Variants in SPOCK1 observed in about 807,000 individuals in gnomAD.
SPOCK1 encodes testican-1.
SPOCK1 carries 23 observed loss-of-function variants against 55.3 expected under a neutral mutation model. The observed-to-expected ratio is 0.42, with a 90% confidence interval of 0.30 to 0.59. SPOCK1 has a LOEUF of 0.59. Ranked by LOEUF, SPOCK1 falls within the 20% of genes least tolerant of loss-of-function variation. SPOCK1 has a pLI of 0.22. For synonymous variants in SPOCK1, 226 were observed against 221.0 expected (o/e 1.02, Z -0.20); for missense variants, 499 against 552.5 (o/e 0.90, Z 0.97).
Position 137,233,007 on chromosome 5 carries a change from G to C in SPOCK1, c.232+34003C>G, listed in dbSNP as rs1039385430. Among the ~76,000 whole-genome samples the C allele has an allele frequency of 6.6e-5, 10 of 152,286 alleles. No individual in the cohort carries two copies. In the South Asian group the frequency reaches 1.7e-3, roughly 25 times the overall value. On this transcript the variant is annotated intron_variant, in intron 3 of 10. Coordinates refer to ENST00000394945, the MANE Select transcript of SPOCK1 (RefSeq NM_004598.4). ...GTGGTTAATCCCAGTCCTGCTCATT[G>C]TATTTGCCTACTTGGACTCCTTTCT...
chr5:137,291,697 G>C (rs553640390), intron 2 of SPOCK1, among the ~76,000 whole-genome samples: 1 of 152,228 alleles, frequency 6.6e-6, no homozygotes, highest in African/African-American at 2.4e-5. Context: ...GGGAGGCTTG[G>C]ACATGCCCTG....
At chr5:137,489,251 A>G (rs1231534486) in intron 2 of SPOCK1, among the ~76,000 whole-genome samples, 1 of 152,196 alleles carries the variant, frequency 6.6e-6, no homozygotes, top group Non-Finnish European at 1.5e-5. Flanking sequence ...GATCCCTTAG[A>G]TGAATGTCTT....
chr5:137,402,174 A>G (rs1398141246), intron 2 of SPOCK1, among the ~76,000 whole-genome samples: 2 of 152,160 alleles, frequency 1.3e-5, no homozygotes, highest in Non-Finnish European at 2.9e-5. Context: ...CTTGAAGAAA[A>G]TAGGCCCATT....
At chr5:137,189,237 C>T (rs922741090) in intron 3 of SPOCK1, among the ~76,000 whole-genome samples, 1 of 152,190 alleles carries the variant, frequency 6.6e-6, no homozygotes, top group Non-Finnish European at 1.5e-5. Context: ...TCAATGCAGG[C>T]AAAACAACTT....
At chr5:137,294,081 T>C (rs577423775) in intron 2 of SPOCK1, among the ~76,000 whole-genome samples, 278 of 152,326 alleles carry the variant, frequency 1.8e-3, no homozygotes, top group African/African-American at 6.5e-3. Flanking sequence ...GCTAATGACC[T>C]CTTGAAATAT....
chr5:137,060,329 T>C (rs867924294), intron 6 of SPOCK1, among the ~76,000 whole-genome samples: 8 of 152,324 alleles, frequency 5.3e-5, no homozygotes, highest in Middle Eastern at 6.8e-3. Flanking sequence ...GCCATTATCC[T>C]AAGCAAACTC....
intron 3 of SPOCK1, among the ~76,000 whole-genome samples, chr5:137,227,876 G>A (rs573564458): frequency 6.6e-6 from 1 of 152,240 alleles, no homozygotes; most frequent in South Asian, 2.1e-4. Flanking sequence ...ATTTCTTGGG[G>A]CCTCATGTGA....
At chr5:137,224,680 T>A (rs1253743771) in intron 3 of SPOCK1, among the ~76,000 whole-genome samples, 2 of 152,210 alleles carry the variant, frequency 1.3e-5, no homozygotes, top group Non-Finnish European at 2.9e-5. Context: ...CATGAAGGTG[T>A]CTAAGCCTCT....
chr5:137,300,395 C>G (rs1464245989), intron 2 of SPOCK1, among the ~76,000 whole-genome samples: 1 of 152,148 alleles, frequency 6.6e-6, no homozygotes, highest in Non-Finnish European at 1.5e-5. Flanking sequence ...ATAACCATGA[C>G]CTAGACACTC....
chr5:137,315,789 A>G (rs928803241), intron 2 of SPOCK1, among the ~76,000 whole-genome samples: 1 of 152,178 alleles, frequency 6.6e-6, no homozygotes, highest in African/African-American at 2.4e-5. Flanking sequence ...GATACAGACA[A>G]CTTATCCGTC....
chr5:137,073,520 G>A (rs1752657309), intron 5 of SPOCK1, among the ~76,000 whole-genome samples: 1 of 152,178 alleles, frequency 6.6e-6, no homozygotes, highest in Non-Finnish European at 1.5e-5. Flanking sequence ...TGGAACCGAT[G>A]GTTGGCCTGT....
chr5:137,255,328 G>A (rs1371274413), intron 3 of SPOCK1, among the ~76,000 whole-genome samples: 1 of 152,154 alleles, frequency 6.6e-6, no homozygotes, highest in Non-Finnish European at 1.5e-5. Flanking sequence ...AGTGCTCTGT[G>A]TGTCCTTCTC....
At chr5:136,988,889 A>C in intron 7 of SPOCK1, 1 of 402,380 alleles carries the variant, frequency 2.5e-6, no homozygotes, top group Non-Finnish European at 4.4e-6. Context: ...AAAAATCCCC[A>C]ATGTTAACAT....
chr5:137,228,418 A>G (rs538018080), intron 3 of SPOCK1, among the ~76,000 whole-genome samples: 2 of 152,226 alleles, frequency 1.3e-5, no homozygotes, highest in Non-Finnish European at 2.9e-5. Context: ...AGGTGGGTGG[A>G]TCACTTGAGG....
chr5:137,138,543 TA>T (rs966302995), intron 4 of SPOCK1, among the ~76,000 whole-genome samples: 1 of 141,250 alleles, frequency 7.1e-6, no homozygotes, highest in African/African-American at 2.5e-5. Flanking sequence ...CACACATGGC[TA>T]AACAACCTAG....
intron 2 of SPOCK1, among the ~76,000 whole-genome samples, chr5:137,467,999 T>C (rs1008845724): frequency 1.8e-4 from 28 of 152,334 alleles, no homozygotes; most frequent in African/African-American, 6.5e-4. Flanking sequence ...CCCTCCACAC[T>C]TTCAGAACCT....
intron 6 of SPOCK1, among the ~76,000 whole-genome samples, chr5:137,066,983 C>G (rs965125492): frequency 8.0e-6 from 1 of 124,324 alleles, no homozygotes; most frequent in African/African-American, 2.8e-5. Context: ...CACACACACA[C>G]ACACAGAGAG....
chr5:137,036,383 C>A (rs1751884114), intron 6 of SPOCK1, among the ~76,000 whole-genome samples: 1 of 152,058 alleles, frequency 6.6e-6, no homozygotes, highest in Non-Finnish European at 1.5e-5. Context: ...CTCTTCCATC[C>A]AGGAAGCCCT....
chr5:137,459,964 G>C (rs1465987854), intron 2 of SPOCK1, among the ~76,000 whole-genome samples: 1 of 152,172 alleles, frequency 6.6e-6, no homozygotes, highest in Admixed American at 6.5e-5. Context: ...ATGCAGACAG[G>C]ATAGTGGCAT....
Sources: allele counts gnomAD v4.1 joint callset (sites outside exome capture counted in the v4.1 genomes callset), GRCh38; gene constraint gnomAD v4.1.1; transcripts MANE v1.5; gene names NCBI Gene and HGNC (gene_info 2026-07-23, HGNC 2026-07-21).